Variants in LLGL2 observed in about 807,000 individuals in gnomAD.
LLGL2 encodes the protein LLGL2, scribble cell polarity complex component.
LLGL2 carries 81 observed loss-of-function variants against 123.2 expected under a neutral mutation model. The ratio of observed to expected loss-of-function variants is 0.66; its 90% CI spans 0.55 to 0.79. The LOEUF (loss-of-function observed/expected upper bound fraction) is 0.79, where lower values mean the gene tolerates loss of function less well. Ranked by LOEUF, LLGL2 falls within the 30% of genes least tolerant of loss-of-function variation. LLGL2 has a pLI of 0.00. For missense variants in LLGL2, 1,273 were observed against 1,414.6 expected, an observed-to-expected ratio of 0.90 and a Z score of 1.61; for synonymous variants, 577 against 594.1, an observed-to-expected ratio of 0.97 and a Z score of 0.42.
At chr17:75,546,444 C>T (rs2054427484) in intron 2 of LLGL2, 1 of 175,318 alleles carries the variant, frequency 5.7e-6, no homozygotes, top group Non-Finnish European at 1.3e-5. Context: ...TACATGAGTT[C>T]CTGCACGAAT....
intron 9 of LLGL2, 146 bp downstream of exon 9, chr17:75,563,952 G>T: frequency 1.3e-6 from 1 of 795,178 alleles, no homozygotes; most frequent in Non-Finnish European, 2.1e-6. Context: ...GGGGAGACAG[G>T]GTAGACGCTA....
intron 1 of LLGL2, among the ~76,000 whole-genome samples, chr17:75,533,450 G>A (rs565525209): frequency 1.3e-5 from 2 of 150,730 alleles, no homozygotes; most frequent in South Asian, 2.1e-4. Flanking sequence ...GACTACAGGC[G>A]CCCGCCATGA....
intron 24 of LLGL2, 27 bp downstream of exon 24, chr17:75,574,522 G>A (rs778273422): frequency 1.1e-5 from 18 of 1,572,610 alleles, no homozygotes; most frequent in Admixed American, 1.9e-5. Context: ...GCCAGCTGGG[G>A]TGGGCCCGAG....
Position 75,571,018 on chromosome 17 carries a change from C to G in LLGL2, c.2094C>G (p.Arg698=). The stretch of plus-strand genomic sequence containing the variant: ...ACATGGAGCTGGCGCCTGTGCAGCG[C>G]AAGATCGAGGCTCGCTCGGCAGAGG... ...LQNMELAPVQ[R]KIEARSAEDS... The change falls in exon 17 of 26, where the codon CGC becomes CGG. Residue 698 remains arginine (R), a synonymous_variant. Transcript: ENST00000392550. 1 of 1,613,050 alleles carries G rather than the reference C, an allele frequency of 6.2e-7. No individual in the cohort carries two copies. The highest frequency in any genetic ancestry group is 8.5e-7 in the Non-Finnish European group (1 of 1,179,958).
Position 75,564,503 on chromosome 17 carries a change from A to G in LLGL2, c.1032A>G (p.Ala344=), listed in dbSNP as rs2055361074. Residue 344 remains alanine (A), a synonymous_variant, in exon 10 of 26, where the codon GCA becomes GCG. Coordinates refer to ENST00000392550, the MANE Select transcript of LLGL2 (RefSeq NM_001031803.2). The surrounding 1 kb of genome is among the most constrained non-coding windows in gnomAD (Gnocchi z 4.9). The part of the protein sequence containing the change: ...GFTVLTEADP[A]ATFDDPYALV... ...CTGTCCTCACAGAGGCAGACCCTGC[A>G]GCCAGTAGGAGAGCTTCGGGAGTGG... 1.2e-6 allele frequency: 2 copies of G among 1,613,198 alleles called. No individual in the cohort carries two copies. Among genetic ancestry groups the G allele is most frequent in the African/African-American group, 2.7e-5 (2 of 75,040 alleles).
chr17:75,555,982 C>A, intron 2 of LLGL2, 64 bp from the exon 3 acceptor site: 1 of 1,326,102 alleles, frequency 7.5e-7, no homozygotes, highest in Non-Finnish European at 1.1e-6. Context: ...GCTGCAGCTG[C>A]AGCAGCCATG....
chr17:75,573,446 C>G (rs1051807576), intron 20 of LLGL2, 35 bp from the exon 21 acceptor site: 1 of 1,591,608 alleles, frequency 6.3e-7, no homozygotes, highest in Non-Finnish European at 8.6e-7. Context: ...TGGCAGCCGC[C>G]AGGCCAGGCC....
At chr17:75,573,449 G>T (rs766017181) in intron 20 of LLGL2, 32 bp from the exon 21 acceptor site, 1 of 1,593,898 alleles carries the variant, frequency 6.3e-7, no homozygotes, top group South Asian at 1.1e-5. Context: ...CAGCCGCCAG[G>T]CCAGGCCGCT....
In LLGL2 at chr17:75,558,035, CGGG is replaced by C; in HGVS notation, c.174-117_174-115del. ...GCTCCATGCATGGGTCCTGCTGCCTCGGGGGAGGGCAGCCCCTCTCTGTGTTTG... is the reference window on the plus strand; with the variant it reads ...GCTCCATGCATGGGTCCTGCTGCCTCGGAGGGCAGCCCCTCTCTGTGTTTG... On this transcript the variant is annotated intron_variant, in intron 3 of 25. Transcript: ENST00000392550. The surrounding 1 kb of genome is among the most constrained non-coding windows in gnomAD (Gnocchi z 4.0). 3 of 962,178 alleles carry C rather than the reference CGGG, an allele frequency of 3.1e-6. No individual in the cohort carries two copies. Among genetic ancestry groups the C allele is most frequent in the Non-Finnish European group, 5.0e-6 (3 of 594,952 alleles). 59.6% of individuals were successfully genotyped at this position (962,178 alleles called of 1,614,324 possible). A position where few individuals can be genotyped will look rare whatever the true frequency, so the allele number is the denominator to read the frequency against.
intron 2 of LLGL2, among the ~76,000 whole-genome samples, chr17:75,555,637 C>G (rs1275862959): frequency 6.6e-6 from 1 of 152,132 alleles, no homozygotes; most frequent in Non-Finnish European, 1.5e-5. Context: ...TGCGGTGCAA[C>G]CAAGATTTTC....
chr17:75,572,226 G>A (rs867091754), intron 19 of LLGL2, among the ~76,000 whole-genome samples, 162 bp downstream of exon 19: 6 of 152,286 alleles, frequency 3.9e-5, no homozygotes, highest in Middle Eastern at 3.4e-3. Context: ...CTCGTGTGAG[G>A]ACACTGAGGC....
intron 1 of LLGL2, among the ~76,000 whole-genome samples, chr17:75,533,868 G>T (rs533313570): frequency 5.1e-4 from 78 of 152,318 alleles, no homozygotes; most frequent in African/African-American, 1.8e-3. Context: ...CTGCCAGAAG[G>T]TGACATTTGA....
At chr17:75,565,990 A>G (rs968637294) in intron 10 of LLGL2, among the ~76,000 whole-genome samples, 59 of 152,290 alleles carry the variant, frequency 3.9e-4, no homozygotes, top group African/African-American at 1.4e-3. Context: ...GAGGTAAGAA[A>G]AAAGCCAGGC....
chr17:75,564,587 G>A lies in LLGL2; in HGVS notation c.1036+80G>A. The A allele has an allele frequency of 1.9e-6, 3 of 1,581,914 alleles. No individual in the cohort carries two copies. The highest frequency in any genetic ancestry group is 2.6e-6 in the Non-Finnish European group (3 of 1,159,138). Reference sequence around the variant, plus strand: ...GGACCATCAGTAAAGACAGGGCCAGGTGCAGTGGCTCCTGCCTGTAACCCC... The same window carrying A: ...GGACCATCAGTAAAGACAGGGCCAGATGCAGTGGCTCCTGCCTGTAACCCC... On this transcript the variant is annotated intron_variant, in intron 10 of 25. Transcript: ENST00000392550. This position sits in a 1 kb window ranked among gnomAD's most constrained non-coding sequence, Gnocchi z 4.9.
At position 75,558,284 on chromosome 17, in the gene LLGL2, C is replaced by A; in HGVS notation, c.255+48C>A. The A allele has an allele frequency of 6.5e-7, 1 of 1,538,170 alleles. No individual in the cohort carries two copies. Among genetic ancestry groups the A allele is most frequent in the Non-Finnish European group, 8.9e-7 (1 of 1,118,656 alleles). ...GGAAGCCACTTCCATGCCCTCCTTG[C>A]CTTCACTGCTTCCAGCAGGGCTGGT... On this transcript the variant is annotated intron_variant, in intron 4 of 25. Coordinates refer to ENST00000392550, the MANE Select transcript of LLGL2 (RefSeq NM_001031803.2). The surrounding 1 kb of genome is among the most constrained non-coding windows in gnomAD (Gnocchi z 4.0).
In LLGL2 at chr17:75,556,047, C is replaced by T. The variant is rs138134053; in HGVS notation, c.77C>T (p.Thr26Met). ...LKRDLFQFNKTVEHGFPHQPS... is the reference protein window; with the variant it reads ...LKRDLFQFNKMVEHGFPHQPS... Reference sequence around the variant, plus strand: ...CACCCCACGTGCTTCTCGTTGCAGACGGTGGAGCATGGCTTCCCGCACCAG... The same window carrying T: ...CACCCCACGTGCTTCTCGTTGCAGATGGTGGAGCATGGCTTCCCGCACCAG... Residue 26 changes from threonine (T) to methionine (M), a missense_variant and splice_region_variant, in exon 3 of 26, where the codon ACG becomes ATG. Thr to Met is a moderately conservative substitution (Grantham distance 81). Coordinates refer to ENST00000392550, the MANE Select transcript of LLGL2 (RefSeq NM_001031803.2). 1.5e-3 allele frequency: 2,419 copies of T among 1,608,072 alleles called. 53 individuals are homozygous for T. The South Asian group carries it at 0.024, about 16-fold the overall frequency.
chr17:75,574,094 G>C (rs1267144415), intron 22 of LLGL2, 114 bp downstream of exon 22: 2 of 1,547,194 alleles, frequency 1.3e-6, no homozygotes, highest in Non-Finnish European at 1.7e-6. Flanking sequence ...TGGGAATAGA[G>C]ACGGCATTCC....
At chr17:75,572,596 C>T (rs188390256) in intron 19 of LLGL2, among the ~76,000 whole-genome samples, 1,837 of 147,298 alleles carry the variant, frequency 0.012, 38 homozygotes, top group African/African-American at 0.041. Flanking sequence ...ACCCAGGAGG[C>T]GGAGCTTGCA....
chr17:75,550,747 C>G (rs1387870248), intron 2 of LLGL2, among the ~76,000 whole-genome samples: 2 of 146,602 alleles, frequency 1.4e-5, no homozygotes, highest in Non-Finnish European at 3.0e-5. Flanking sequence ...TACCACTGCA[C>G]TCCAGCCTGG....
Sources: gnomAD v4.1 joint callset for allele counts (sites outside exome capture counted in the v4.1 genomes callset) on GRCh38, gnomAD v4.1.1 for gene constraint, Gnocchi (gnomAD v3.1) non-coding constraint, MANE v1.5 for transcripts, NCBI Gene and HGNC (gene_info 2026-07-23, HGNC 2026-07-21) for gene names.